CAP2: variants seen among roughly 807,000 people sequenced by gnomAD.
CAP2 encodes cyclase associated actin cytoskeleton regulatory protein 2, also known as adenylyl cyclase-associated protein 2.
Under a neutral mutation model 57.7 loss-of-function variants are expected in CAP2, and 24 were observed. The ratio of observed to expected loss-of-function variants is 0.42; its 90% CI spans 0.30 to 0.58. The LOEUF (loss-of-function observed/expected upper bound fraction) is 0.58, where lower values mean the gene tolerates loss of function less well. CAP2 is among the 20% of genes least tolerant of loss of function. The pLI, the probability that CAP2 is intolerant of heterozygous loss-of-function variation, is 0.22. For synonymous variants in CAP2, 194 were observed against 207.2 expected, an observed-to-expected ratio of 0.94 and a Z score of 0.55; for missense variants, 501 against 590.3, an observed-to-expected ratio of 0.85 and a Z score of 1.57.
At chr6:17,528,575 C>T (rs926336850) in intron 7 of CAP2, among the ~76,000 whole-genome samples, 1 of 152,070 alleles carries the variant, frequency 6.6e-6, no homozygotes, top group African/African-American at 2.4e-5. Context: ...AAATCATCGA[C>T]GAAACCATGA....
At position 17,437,121 on chromosome 6, in the gene CAP2, A is replaced by T. The variant is rs568432977; in HGVS notation, c.222+10431A>T. Reference sequence around the variant, plus strand: ...GTGAGTTGTATAATTATTTCATTATATATTACAATATAATAATAGAAATAA... The same window carrying T: ...GTGAGTTGTATAATTATTTCATTATTTATTACAATATAATAATAGAAATAA... On this transcript the variant is annotated intron_variant, in intron 3 of 12. Coordinates refer to ENST00000229922, the MANE Select transcript of CAP2 (RefSeq NM_006366.3). 3.3e-5 allele frequency among the ~76,000 whole-genome samples: 5 copies of T among 152,294 alleles called. No homozygotes were observed. In the East Asian group the frequency reaches 9.6e-4, roughly 29 times the overall value.
At position 17,531,589 on chromosome 6, in the gene CAP2, C is replaced by T. The variant is rs1242974008; in HGVS notation, c.637-7680C>T. The T allele has an allele frequency of 2.0e-5, 31 of 1,523,044 alleles. No homozygotes were observed. The South Asian group carries it at 2.4e-4, about 12-fold the overall frequency. 94.3% of individuals were successfully genotyped at this position (1,523,044 alleles called of 1,614,324 possible). On this transcript the variant is annotated intron_variant, in intron 7 of 12. Coordinates refer to ENST00000229922, the MANE Select transcript of CAP2 (RefSeq NM_006366.3). ...CGAAATTCCTTCGCTTTTTCTTAAG[C>T]ATTTCTGGCACAGCAGGAACCTTCT... is the stretch of plus-strand genomic sequence containing the variant.
chr6:17,477,700 C>G (rs1761185465), intron 4 of CAP2, among the ~76,000 whole-genome samples: 1 of 152,118 alleles, frequency 6.6e-6, no homozygotes, highest in Non-Finnish European at 1.5e-5. Context: ...TAATTATGTC[C>G]TGACCTATCG....
intron 7 of CAP2, among the ~76,000 whole-genome samples, chr6:17,524,941 T>G (rs987593330): frequency 1.3e-5 from 2 of 149,082 alleles, no homozygotes; most frequent in Non-Finnish European, 3.0e-5. Flanking sequence ...TCACCCAGGC[T>G]GGAGTTCAGT....
At chr6:17,436,411 G>A (rs1012380123) in intron 3 of CAP2, among the ~76,000 whole-genome samples, 1 of 152,254 alleles carries the variant, frequency 6.6e-6, no homozygotes, top group East Asian at 1.9e-4. Context: ...GGGATTATAA[G>A]CATGAGCCAC....
rs117663193 is a variant in CAP2 at position 17,525,409 on chromosome 6, C to T, written c.636+11455C>T. Among the ~76,000 whole-genome samples, 298 of 151,268 alleles carry T rather than the reference C, an allele frequency of 2.0e-3. 10 individuals carry two copies. The East Asian group carries it at 0.044, about 22-fold the overall frequency. ...CCTGTGAGGCGGAGGCTGCAGTGAG[C>T]GTAGATCACACACTGCACTCCTGCA... On this transcript the variant is annotated intron_variant, in intron 7 of 12. Transcript: ENST00000229922.
At chr6:17,521,258 C>CAA (rs71536733) in intron 7 of CAP2, among the ~76,000 whole-genome samples, 22 of 147,614 alleles carry the variant, frequency 1.5e-4, no homozygotes, top group African/African-American at 4.2e-4. Context: ...ACTAAAAATA[C>CAA]AAAAAAAAAA....
At chr6:17,438,839 G>A (rs1356055201) in intron 3 of CAP2, among the ~76,000 whole-genome samples, 3 of 149,262 alleles carry the variant, frequency 2.0e-5, no homozygotes, top group East Asian at 2.0e-4. Context: ...TCTGCCGGGC[G>A]CGGTGGCTCA....
intron 1 of CAP2, among the ~76,000 whole-genome samples, chr6:17,398,835 A>T (rs985070077): frequency 6.6e-6 from 1 of 151,946 alleles, no homozygotes; most frequent in Non-Finnish European, 1.5e-5. Flanking sequence ...GATTTTAAAC[A>T]TTTTTAAGCA....
At chr6:17,531,030 G>T in intron 7 of CAP2, 1 of 935,876 alleles carries the variant, frequency 1.1e-6, no homozygotes, top group Non-Finnish European at 1.7e-6. Flanking sequence ...GAAGTTATTT[G>T]CTTCTTTGAA....
At chr6:17,437,902 C>CA (rs1342342133) in intron 3 of CAP2, among the ~76,000 whole-genome samples, 3 of 152,130 alleles carry the variant, frequency 2.0e-5, no homozygotes, top group Non-Finnish European at 4.4e-5. Flanking sequence ...GGTCACATAT[C>CA]ACTTTTGCTG....
chr6:17,395,854 T>C (rs1758652184), intron 1 of CAP2, among the ~76,000 whole-genome samples: 1 of 152,134 alleles, frequency 6.6e-6, no homozygotes, highest in Admixed American at 6.5e-5. Flanking sequence ...AACTAGATAG[T>C]TGTGAAAAGA....
intron 3 of CAP2, among the ~76,000 whole-genome samples, chr6:17,432,592 C>T: frequency 6.6e-6 from 1 of 152,202 alleles, no homozygotes; most frequent in East Asian, 1.9e-4. Context: ...AATTCTGCCT[C>T]TAGGTTTCAT....
At chr6:17,482,683 G>T (rs963862995) in intron 4 of CAP2, among the ~76,000 whole-genome samples, 2 of 152,028 alleles carry the variant, frequency 1.3e-5, no homozygotes, top group Admixed American at 1.3e-4. Flanking sequence ...TTATGTTCAC[G>T]TGGTTTCTCC....
chr6:17,500,153 A>T (rs1761769379), intron 4 of CAP2, among the ~76,000 whole-genome samples: 3 of 150,404 alleles, frequency 2.0e-5, no homozygotes, highest in African/African-American at 7.3e-5. Context: ...CCTGGACAGT[A>T]AAAAATTTTT....
At chr6:17,469,146 C>T (rs2113606235) in intron 4 of CAP2, among the ~76,000 whole-genome samples, 1 of 152,360 alleles carries the variant, frequency 6.6e-6, no homozygotes, top group East Asian at 1.9e-4. Context: ...GTAAACCACG[C>T]ATCTGATGCC....
chr6:17,512,077 A>G (rs1221039674), intron 6 of CAP2, among the ~76,000 whole-genome samples: 1 of 151,960 alleles, frequency 6.6e-6, no homozygotes, highest in Admixed American at 6.6e-5. Context: ...AATTTCATCC[A>G]CTGTTAAATT....
intron 1 of CAP2, among the ~76,000 whole-genome samples, chr6:17,404,597 TC>T (rs1758902850): frequency 1.4e-5 from 2 of 138,468 alleles, no homozygotes; most frequent in Non-Finnish European, 3.1e-5. Flanking sequence ...AGAGCAAGAC[TC>T]CATCTCAAAA....
intron 4 of CAP2, among the ~76,000 whole-genome samples, chr6:17,489,395 G>T (rs901481338): frequency 6.6e-6 from 1 of 152,282 alleles, no homozygotes; most frequent in Admixed American, 6.5e-5. Flanking sequence ...TCATGCTACT[G>T]CACTCCAGCC....
Sources: gnomAD v4.1 joint callset for allele counts (sites outside exome capture counted in the v4.1 genomes callset) on GRCh38, gnomAD v4.1.1 for gene constraint, MANE v1.5 for transcripts, NCBI Gene and HGNC (gene_info 2026-07-23, HGNC 2026-07-21) for gene names.